The following ZBTB46 variants were observed in gnomAD, a reference collection of about 807,000 sequenced individuals.
The protein encoded by ZBTB46 is zinc finger and BTB domain-containing protein 46.
Under a neutral mutation model 44.1 loss-of-function variants are expected in ZBTB46, and 8 were observed. The ratio of observed to expected loss-of-function variants is 0.18; its 90% CI spans 0.11 to 0.33. ZBTB46 has a LOEUF of 0.33. ZBTB46 is among the 10% of genes least tolerant of loss of function. The pLI is 1.00. For missense variants in ZBTB46, 651 were observed against 847.7 expected (o/e 0.77, Z 2.88); for synonymous variants, 409 against 382.3 (o/e 1.07, Z -0.81).
intron 4 of ZBTB46, among the ~76,000 whole-genome samples, chr20:63,751,230 C>T (rs571485499): frequency 1.3e-5 from 2 of 152,082 alleles, no homozygotes; most frequent in Non-Finnish European, 2.9e-5. Flanking sequence ...GCTGGGGCCC[C>T]GGCGGCTCCG....
chr20:63,755,213 GCT>G (rs949056981), intron 3 of ZBTB46, among the ~76,000 whole-genome samples: 1 of 152,208 alleles, frequency 6.6e-6, no homozygotes, highest in Non-Finnish European at 1.5e-5. Context: ...TCTTCTTAAT[GCT>G]CTGTTTTCCG....
At chr20:63,794,900 G>T (rs1040749614) in intron 1 of ZBTB46, among the ~76,000 whole-genome samples, 1 of 152,240 alleles carries the variant, frequency 6.6e-6, no homozygotes, top group South Asian at 2.1e-4. Context: ...CTGCGGCAAA[G>T]GCTCACAAGC....
intron 3 of ZBTB46, among the ~76,000 whole-genome samples, chr20:63,760,329 T>C (rs2092262027): frequency 6.6e-6 from 1 of 152,250 alleles, no homozygotes; most frequent in South Asian, 2.1e-4. Context: ...TCCTGTTTGC[T>C]CCAGTTTTGA....
intron 1 of ZBTB46, among the ~76,000 whole-genome samples, chr20:63,806,686 A>G (rs1419299879): frequency 6.6e-6 from 1 of 151,890 alleles, no homozygotes; most frequent in African/African-American, 2.4e-5. Flanking sequence ...TTGGCTCACT[A>G]AAACCTCCAC....
intron 1 of ZBTB46, among the ~76,000 whole-genome samples, chr20:63,802,849 C>T (rs992062230): frequency 2.0e-5 from 3 of 152,000 alleles, no homozygotes; most frequent in Admixed American, 6.6e-5. Flanking sequence ...GGCCGACGAC[C>T]GAACCTCAGG....
upstream of ZBTB46, among the ~76,000 whole-genome samples, chr20:63,831,687 C>T (rs2092853317): frequency 6.6e-6 from 1 of 150,618 alleles, no homozygotes; most frequent in Non-Finnish European, 1.5e-5. Flanking sequence ...AGCGGCGACC[C>T]CGGCGAGGGC....
At chr20:63,812,551 C>A (rs528252722) in intron 1 of ZBTB46, among the ~76,000 whole-genome samples, 162 of 152,052 alleles carry the variant, frequency 1.1e-3, no homozygotes, top group African/African-American at 3.8e-3. Flanking sequence ...TGGAGGCGGG[C>A]GAATCACAAG....
At position 63,743,789 on chromosome 20, in the gene ZBTB46, G is replaced by A. The variant is rs920426551; in HGVS notation, c.*3141C>T. The A allele has an allele frequency of 6.6e-6, 1 of 152,488 alleles. No individual in the cohort carries two copies. The highest frequency in any genetic ancestry group is 2.4e-5 in the African/African-American group (1 of 41,450). The allele number at this position is 152,488 out of a possible 1,614,324, so 9.4% of individuals were successfully genotyped here. A position where few individuals can be genotyped will look rare whatever the true frequency, so the allele number is the denominator to read the frequency against. ...CAGAAACTTGGAGACTCACCGCAGAGGCCACGTGAACCCACGGCCACAGAG... is the reference window on the plus strand; with the variant it reads ...CAGAAACTTGGAGACTCACCGCAGAAGCCACGTGAACCCACGGCCACAGAG... On this transcript the variant is annotated 3_prime_UTR_variant, in exon 5 of 5. Coordinates refer to ENST00000245663, the MANE Select transcript of ZBTB46 (RefSeq NM_001369741.1).
At chr20:63,748,042 C>T (rs953056997) in intron 4 of ZBTB46, among the ~76,000 whole-genome samples, 3 of 152,178 alleles carry the variant, frequency 2.0e-5, no homozygotes, top group Non-Finnish European at 2.9e-5. Flanking sequence ...AGCCTGGCTG[C>T]GTGGACACCC....
intron 1 of ZBTB46, among the ~76,000 whole-genome samples, chr20:63,800,375 G>A (rs956160014): frequency 7.2e-5 from 11 of 152,216 alleles, no homozygotes; most frequent in African/African-American, 2.4e-4. Context: ...CTCCTGTGGT[G>A]ATGGTGAGAG....
intron 1 of ZBTB46, among the ~76,000 whole-genome samples, chr20:63,816,188 A>G (rs1269902952): frequency 2.0e-5 from 3 of 151,776 alleles, no homozygotes; most frequent in Non-Finnish European, 4.4e-5. Context: ...TGCAGTGGGC[A>G]CAGGTGCAGT....
intron 1 of ZBTB46, among the ~76,000 whole-genome samples, chr20:63,808,976 CAAAAAAA>C (rs1157399042): frequency 3.5e-4 from 26 of 75,232 alleles, no homozygotes; most frequent in South Asian, 1.1e-3. Context: ...GACTCCGCTT[CAAAAAAA>C]AAAAAAAAAA....
At chr20:63,833,230 C>G (rs563703520), upstream of ZBTB46, among the ~76,000 whole-genome samples, 1 of 152,338 alleles carries the variant, frequency 6.6e-6, no homozygotes, top group Admixed American at 6.5e-5. Flanking sequence ...CCCATAAGAA[C>G]CAAACCTTGA....
chr20:63,814,336 G>A (rs954388381), intron 1 of ZBTB46, among the ~76,000 whole-genome samples: 16 of 152,082 alleles, frequency 1.1e-4, no homozygotes, highest in African/African-American at 3.4e-4. Context: ...GGGGGTTCCC[G>A]CAGCCAGGCG....
At chr20:63,832,152 A>C (rs2092855472), upstream of ZBTB46, among the ~76,000 whole-genome samples, 1 of 151,984 alleles carries the variant, frequency 6.6e-6, no homozygotes, top group Non-Finnish European at 1.5e-5. The surrounding 1 kb of genome is among the most constrained non-coding windows in gnomAD (Gnocchi z 5.0). Context: ...GCCCGTGTGC[A>C]GCCCCGATCC....
rs144244471 is a variant in ZBTB46, at chr20:63,753,112, G to A, written c.1223-251C>T. Among the ~76,000 whole-genome samples the A allele has an allele frequency of 6.7e-3, 1,023 of 152,276 alleles. 8 individuals are homozygous for A. The highest frequency in any genetic ancestry group is 0.023 in the African/African-American group (949 of 41,550). ...GGAGCTCAGGAGCCCCAGCTCTCAGGAGATCTTTCCATCCAGGCCAAAGGC... is the reference window on the plus strand; with the variant it reads ...GGAGCTCAGGAGCCCCAGCTCTCAGAAGATCTTTCCATCCAGGCCAAAGGC... On this transcript the variant is annotated intron_variant, in intron 3 of 4. Transcript: ENST00000245663.
intron 2 of ZBTB46, among the ~76,000 whole-genome samples, chr20:63,781,058 G>C (rs1308741364): frequency 2.0e-5 from 3 of 147,718 alleles, no homozygotes; most frequent in African/African-American, 7.6e-5. Context: ...AGAGAATGGC[G>C]TGAACCCAGG....
At chr20:63,805,622 T>C (rs1439185450) in intron 1 of ZBTB46, among the ~76,000 whole-genome samples, 1 of 152,140 alleles carries the variant, frequency 6.6e-6, no homozygotes, top group East Asian at 1.9e-4. Context: ...AGCATGGCCC[T>C]GAGACACCCT....
intron 1 of ZBTB46, among the ~76,000 whole-genome samples, chr20:63,826,680 G>A (rs905919443): frequency 1.3e-5 from 2 of 152,158 alleles, no homozygotes; most frequent in African/African-American, 4.8e-5. Context: ...AGCCGACATC[G>A]CGCCGCTGCA....
Sources: gnomAD v4.1 joint callset for allele counts (sites outside exome capture counted in the v4.1 genomes callset) on GRCh38, gnomAD v4.1.1 for gene constraint, Gnocchi (gnomAD v3.1) non-coding constraint, MANE v1.5 for transcripts, NCBI Gene and HGNC (gene_info 2026-07-23, HGNC 2026-07-21) for gene names.